Variants in CLNK observed in about 807,000 individuals in gnomAD.
CLNK encodes the protein cytokine dependent hematopoietic cell linker, also known as cytokine-dependent hematopoietic cell linker.
CLNK carries 74 observed loss-of-function variants against 68.6 expected under a neutral mutation model. That is an observed-to-expected ratio of 1.08 (90% confidence interval 0.89 to 1.31). The LOEUF (loss-of-function observed/expected upper bound fraction) is 1.31. CLNK is among the 50% of genes most tolerant of loss of function. The pLI is 0.00. For missense variants in CLNK, 553 were observed against 515.3 expected, an observed-to-expected ratio of 1.07 and a Z score of -0.71; for synonymous variants, 198 against 172.2, an observed-to-expected ratio of 1.15 and a Z score of -1.17.
At chr4:10,622,341 T>C (rs768712437) in intron 2 of CLNK, among the ~76,000 whole-genome samples, 2 of 152,208 alleles carry the variant, frequency 1.3e-5, no homozygotes, top group Admixed American at 6.5e-5. Flanking sequence ...CCTTATGTTT[T>C]CTCCAGACAA....
At chr4:10,498,348 C>T (rs954128132) in intron 18 of CLNK, among the ~76,000 whole-genome samples, 7 of 149,586 alleles carry the variant, frequency 4.7e-5, no homozygotes, top group African/African-American at 7.4e-5. Context: ...AAAAATTAGC[C>T]GGGCGTGGTG....
intron 2 of CLNK, among the ~76,000 whole-genome samples, chr4:10,613,484 C>A (rs1427663484): frequency 6.6e-6 from 1 of 152,162 alleles, no homozygotes; most frequent in Non-Finnish European, 1.5e-5. Context: ...TTGGGAGAAT[C>A]AAGGCAGATG....
chr4:10,649,752 T>A (rs74613301), intron 2 of CLNK, among the ~76,000 whole-genome samples: 1,712 of 150,262 alleles, frequency 0.011, 44 homozygotes, highest in African/African-American at 0.04. Context: ...AAGGAAGGCC[T>A]GTTTTAATAG....
At chr4:10,577,140 T>C (rs1440793735) in intron 4 of CLNK, among the ~76,000 whole-genome samples, 1 of 152,180 alleles carries the variant, frequency 6.6e-6, no homozygotes, top group African/African-American at 2.4e-5. Flanking sequence ...TCTATTTCCC[T>C]AGGAAAGCAA....
rs1447008980 is a variant in CLNK at position 10,655,385 on chromosome 4, A to AGT, written c.11+12472_11+12473dup. On this transcript the variant is annotated intron_variant, in intron 2 of 18. Transcript: ENST00000226951. Reference sequence around the variant, plus strand: ...GAGAGAGAGAGAGAGAAAGCGAGAGAGTGTGTGTGTGTATCCTATATTTAC... The same window carrying AGT: ...GAGAGAGAGAGAGAGAAAGCGAGAGAGTGTGTGTGTGTGTATCCTATATTTAC... Among the ~76,000 whole-genome samples, 43 of 151,412 alleles carry AGT rather than the reference A, an allele frequency of 2.8e-4. No individual in the cohort carries two copies. In the South Asian group the frequency reaches 8.4e-3, roughly 29 times the overall value.
At chr4:10,582,703 G>A (rs979884726) in intron 4 of CLNK, among the ~76,000 whole-genome samples, 17 of 151,984 alleles carry the variant, frequency 1.1e-4, no homozygotes, top group Admixed American at 6.6e-5. Flanking sequence ...AATATTTTTC[G>A]ATAGATTGTT....
At chr4:10,610,421 C>T (rs1002494088) in intron 2 of CLNK, among the ~76,000 whole-genome samples, 5 of 149,730 alleles carry the variant, frequency 3.3e-5, no homozygotes, top group East Asian at 2.0e-4. Context: ...ATTTAGAAAA[C>T]AAGAAAATAA....
At chr4:10,661,969 T>C (rs1724207226) in intron 2 of CLNK, among the ~76,000 whole-genome samples, 1 of 152,204 alleles carries the variant, frequency 6.6e-6, no homozygotes. Context: ...TATCTATCTC[T>C]ATTTTATTGT....
At chr4:10,594,313 C>G (rs1721303733) in intron 3 of CLNK, among the ~76,000 whole-genome samples, 1 of 152,228 alleles carries the variant, frequency 6.6e-6, no homozygotes, top group African/African-American at 2.4e-5. Flanking sequence ...TCCCTCCACC[C>G]CACTCACTGT....
At chr4:10,602,063 C>G (rs1721607403) in intron 2 of CLNK, among the ~76,000 whole-genome samples, 2 of 152,178 alleles carry the variant, frequency 1.3e-5, no homozygotes, top group Non-Finnish European at 2.9e-5. Flanking sequence ...TTCTTGAGCA[C>G]CCTTCCAGCA....
chr4:10,720,777 G>A, the CLNK span, among the ~76,000 whole-genome samples: 2 of 151,108 alleles, frequency 1.3e-5, no homozygotes, highest in Non-Finnish European at 2.9e-5. Context: ...CGGGGACGCT[G>A]GAAAACAGCT....
At chr4:10,526,237 T>A (rs903501800) in intron 13 of CLNK, among the ~76,000 whole-genome samples, 2 of 152,228 alleles carry the variant, frequency 1.3e-5, no homozygotes, top group African/African-American at 4.8e-5. Context: ...TTTTAAAAGA[T>A]TTTTAGCTTC....
chr4:10,491,783 T>C (rs1424349126), intron 18 of CLNK, among the ~76,000 whole-genome samples: 1 of 152,148 alleles, frequency 6.6e-6, no homozygotes, highest in Non-Finnish European at 1.5e-5. Context: ...TTTTTTTTAA[T>C]TTCAACAGCT....
chr4:10,646,317 C>G (rs1163030082), intron 2 of CLNK, among the ~76,000 whole-genome samples: 1 of 151,946 alleles, frequency 6.6e-6, no homozygotes, highest in Admixed American at 6.6e-5. Context: ...AAAACACAAC[C>G]CAAAAGAGAA....
intron 17 of CLNK, 80 bp downstream of exon 17, chr4:10,507,879 G>T (rs966050309): frequency 1.9e-6 from 2 of 1,028,360 alleles, no homozygotes; most frequent in Admixed American, 2.3e-5. Flanking sequence ...CAAGCTGCTT[G>T]TTACGTCTTG....
chr4:10,604,230 T>A (rs1201319992), intron 2 of CLNK, among the ~76,000 whole-genome samples: 1 of 152,168 alleles, frequency 6.6e-6, no homozygotes, highest in African/African-American at 2.4e-5. Context: ...ACCAGTAGCA[T>A]CAAGAAGGGC....
chr4:10,654,644 T>C (rs1306151857), intron 2 of CLNK, among the ~76,000 whole-genome samples: 1 of 151,648 alleles, frequency 6.6e-6, no homozygotes, highest in Non-Finnish European at 1.5e-5. Context: ...TATAATTATC[T>C]ATATAACAAA....
intron 4 of CLNK, among the ~76,000 whole-genome samples, chr4:10,576,178 G>A (rs991420161): frequency 1.3e-5 from 2 of 152,184 alleles, no homozygotes; most frequent in African/African-American, 4.8e-5. Context: ...TGAGTGAACA[G>A]AGCTTTACAC....
chr4:10,537,251 G>A (rs569543691), intron 11 of CLNK, among the ~76,000 whole-genome samples: 1 of 152,306 alleles, frequency 6.6e-6, no homozygotes, highest in Non-Finnish European at 1.5e-5. Context: ...GCCAAGGCGG[G>A]TGGATCACCT....
Sources: allele counts gnomAD v4.1 joint callset (sites outside exome capture counted in the v4.1 genomes callset), GRCh38; gene constraint gnomAD v4.1.1; transcripts MANE v1.5; gene names NCBI Gene and HGNC (gene_info 2026-07-23, HGNC 2026-07-21).